Variants in DNMT3A observed in about 807,000 individuals in gnomAD.
DNMT3A encodes the protein DNA methyltransferase 3 alpha, also known as DNA (cytosine-5)-methyltransferase 3A.
A neutral mutation model predicts 117.6 loss-of-function variants in DNMT3A; 267 were observed. The ratio of observed to expected loss-of-function variants is 2.27; its 90% CI spans 2.05 to 2.51. The LOEUF is 2.51. Among genes scored for constraint, DNMT3A ranks in the 30% most tolerant of loss-of-function variants. DNMT3A has a pLI of 0.00. For synonymous variants in DNMT3A, 432 were observed against 474.8 expected, an observed-to-expected ratio of 0.91 and a Z score of 1.17; for missense variants, 1,029 against 1,260.2, an observed-to-expected ratio of 0.82 and a Z score of 2.78.
chr2:25,270,596 CT>C (rs2030788937), intron 6 of DNMT3A, among the ~76,000 whole-genome samples: 1 of 151,160 alleles, frequency 6.6e-6, no homozygotes, highest in Non-Finnish European at 1.5e-5. Flanking sequence ...GGGGAGGTGC[CT>C]TTTTTGGGAG....
intron 4 of DNMT3A, among the ~76,000 whole-genome samples, chr2:25,276,326 A>C (rs1014873440): frequency 2.0e-5 from 3 of 152,074 alleles, no homozygotes; most frequent in Non-Finnish European, 2.9e-5. Flanking sequence ...TTTCCCACTG[A>C]ATCAAGGTAG....
At chr2:25,275,112 G>A (rs1302195763) in intron 5 of DNMT3A, 25 bp from the exon 6 acceptor site, 9 of 1,546,636 alleles carry the variant, frequency 5.8e-6, no homozygotes, top group Middle Eastern at 1.7e-4. Context: ...CAGACATTAG[G>A]GCATTAGGGT....
chr2:25,284,384 C>T (rs369966698), intron 3 of DNMT3A, among the ~76,000 whole-genome samples: 27 of 152,100 alleles, frequency 1.8e-4, no homozygotes, highest in Middle Eastern at 3.4e-3. Context: ...TGGTGGCTTA[C>T]GCCTATAATC....
At position 25,293,287 on chromosome 2, in the gene DNMT3A, G is replaced by A. The variant is rs2032896254; in HGVS notation, c.177+6852C>T. Among the ~76,000 whole-genome samples, 1 of 151,920 alleles carries A rather than the reference G, an allele frequency of 6.6e-6. No individual in the cohort carries two copies. The highest frequency in any genetic ancestry group is 2.1e-4 in the South Asian group (1 of 4,814). On this transcript the variant is annotated intron_variant, in intron 3 of 22. Coordinates refer to ENST00000321117, the MANE Select transcript of DNMT3A (RefSeq NM_022552.5). The surrounding 1 kb of genome is among the most constrained non-coding windows in gnomAD (Gnocchi z 4.7). ...GCCCTGGGACTTTGCTGGCGCCCCT[G>A]CCCCCTCCCCTCTCCCAGCATGTGC...
rs557576108 is a variant in DNMT3A at position 25,306,111 on chromosome 2, C to T, written c.73-5868G>A. The stretch of plus-strand genomic sequence containing the variant: ...AATTGGCTTCTGCAAGAGGCAGAGC[C>T]CTGTCCTGGGTTGCCTGAGCACCAG... On this transcript the variant is annotated intron_variant, in intron 2 of 22. Coordinates refer to ENST00000321117, the MANE Select transcript of DNMT3A (RefSeq NM_022552.5). The surrounding 1 kb of genome is among the most constrained non-coding windows in gnomAD (Gnocchi z 4.1). Among the ~76,000 whole-genome samples, 53 of 152,310 alleles carry T rather than the reference C, an allele frequency of 3.5e-4. No homozygotes were observed. The highest frequency in any genetic ancestry group is 1.3e-3 in the African/African-American group (52 of 41,570).
Position 25,293,602 on chromosome 2 carries a change from C to T in DNMT3A, c.177+6537G>A, listed in dbSNP as rs2032915244. 6.6e-6 allele frequency among the ~76,000 whole-genome samples: 1 copy of T among 152,036 alleles called. No individual in the cohort carries two copies. Among genetic ancestry groups the T allele is most frequent in the Non-Finnish European group, 1.5e-5 (1 of 68,016 alleles). On this transcript the variant is annotated intron_variant, in intron 3 of 22. Transcript: ENST00000321117. The surrounding 1 kb of genome is among the most constrained non-coding windows in gnomAD (Gnocchi z 4.7). Reference sequence around the variant, plus strand: ...CTCCCGGGGTCAAGAGATCCTCCTGCCTTAGCCTCCCAAGTAGCTGCGACC... The same window carrying T: ...CTCCCGGGGTCAAGAGATCCTCCTGTCTTAGCCTCCCAAGTAGCTGCGACC...
In DNMT3A at chr2:25,293,808, G is replaced by A. The variant is rs1243872252; in HGVS notation, c.177+6331C>T. ...GTGCCTCAGCCTCCTGGGCAGCTGG[G>A]ACCACAGGTATGTGCCACCACATTC... On this transcript the variant is annotated intron_variant, in intron 3 of 22. Coordinates refer to ENST00000321117, the MANE Select transcript of DNMT3A (RefSeq NM_022552.5). The surrounding 1 kb of genome is among the most constrained non-coding windows in gnomAD (Gnocchi z 4.7). 2.6e-5 allele frequency among the ~76,000 whole-genome samples: 4 copies of A among 152,208 alleles called. No individual in the cohort carries two copies. The highest frequency in any genetic ancestry group is 4.8e-5 in the African/African-American group (2 of 41,456).
At chr2:25,333,665 A>G (rs549303594) in intron 1 of DNMT3A, among the ~76,000 whole-genome samples, 1 of 152,196 alleles carries the variant, frequency 6.6e-6, no homozygotes. Context: ...AGGGCCTTAC[A>G]GAGCAGCAGG....
At chr2:25,245,071 T>C (rs1674579337) in intron 13 of DNMT3A, among the ~76,000 whole-genome samples, 182 bp downstream of exon 13, 1 of 152,100 alleles carries the variant, frequency 6.6e-6, no homozygotes, top group Admixed American at 6.5e-5. Context: ...TGAGAGCAAG[T>C]CAAAAGCTTG....
chr2:25,267,105 T>G (rs758826580), intron 6 of DNMT3A, among the ~76,000 whole-genome samples: 1 of 152,166 alleles, frequency 6.6e-6, no homozygotes, highest in South Asian at 2.1e-4. Flanking sequence ...ACAGACTTAT[T>G]GGAAGTCAAA....
intron 2 of DNMT3A, among the ~76,000 whole-genome samples, chr2:25,309,261 G>A (rs2033952648): frequency 6.6e-6 from 1 of 152,186 alleles, no homozygotes; most frequent in African/African-American, 2.4e-5. Context: ...AGGTACCTAT[G>A]TCTGAAGAAA....
intron 6 of DNMT3A, among the ~76,000 whole-genome samples, chr2:25,274,038 C>T (rs949676056): frequency 2.0e-5 from 3 of 152,160 alleles, no homozygotes; most frequent in Non-Finnish European, 4.4e-5. Context: ...CAAATCCCAC[C>T]TCTGTCGCCC....
At position 25,244,190 on chromosome 2, in the gene DNMT3A, G is replaced by A. The variant is rs1396358001; in HGVS notation, c.1816C>T (p.Gln606Ter). 9 of 1,613,788 alleles carry A rather than the reference G, an allele frequency of 5.6e-6. No individual in the cohort carries two copies. Among genetic ancestry groups the A allele is most frequent in the South Asian group, 1.1e-5 (1 of 91,086 alleles). ...TCGTGGTTATTAGCGAAGAACATCT[G>A]GAGCCGGGAGGGCCAGTCCTCTCGC... ...RRREDWPSRL[Q>*]MFFANNHDQE... The change falls in exon 15 of 23, where the codon CAG (glutamine) becomes TAG (stop). Residue 606 changes from glutamine to a stop codon, truncating the protein, a stop_gained. Coordinates refer to ENST00000321117, the MANE Select transcript of DNMT3A (RefSeq NM_022552.5). LOFTEE classifies it high-confidence loss of function.
intron 1 of DNMT3A, chr2:25,328,656 C>T (rs778709428): frequency 1.9e-6 from 1 of 522,590 alleles, no homozygotes; most frequent in Non-Finnish European, 3.9e-6. Flanking sequence ...TGTGTGAAGT[C>T]ACTCCCAGGC....
chr2:25,265,842 T>C (rs1369586128), intron 6 of DNMT3A, among the ~76,000 whole-genome samples: 1 of 151,326 alleles, frequency 6.6e-6, no homozygotes, highest in Non-Finnish European at 1.5e-5. Context: ...AGACATTAAA[T>C]GCAGATAATA....
At chr2:25,266,254 C>T (rs977636261) in intron 6 of DNMT3A, among the ~76,000 whole-genome samples, 1 of 152,246 alleles carries the variant, frequency 6.6e-6, no homozygotes, top group African/African-American at 2.4e-5. Flanking sequence ...CTACTCCAAA[C>T]ATCATCATCT....
intron 19 of DNMT3A, chr2:25,239,606 G>A (rs1031648624): frequency 4.0e-6 from 2 of 499,732 alleles, no homozygotes; most frequent in Non-Finnish European, 8.3e-6. Flanking sequence ...GCACAGTGCT[G>A]CTCTAGACTA....
At position 25,281,859 on chromosome 2, in the gene DNMT3A, C is replaced by T. The variant is rs2031904812; in HGVS notation, c.448+582G>A. ...ACACAGAATACAATCACCCAGCCCTCTCCCCACGCCACTGTCACAACCAAA... is the reference window on the plus strand; with the variant it reads ...ACACAGAATACAATCACCCAGCCCTTTCCCCACGCCACTGTCACAACCAAA... On this transcript the variant is annotated intron_variant, in intron 4 of 22. Transcript: ENST00000321117. This position sits in a 1 kb window ranked among gnomAD's most constrained non-coding sequence, Gnocchi z 4.8. 3.7e-6 allele frequency: 4 copies of T among 1,069,344 alleles called. No individual in the cohort carries two copies. Among genetic ancestry groups the T allele is most frequent in the Non-Finnish European group, 4.5e-6 (4 of 881,812 alleles). 66.2% of individuals were successfully genotyped at this position (1,069,344 alleles called of 1,614,324 possible).
Position 25,294,287 on chromosome 2 carries a change from G to C in DNMT3A, c.177+5852C>G, listed in dbSNP as rs369457165. Among the ~76,000 whole-genome samples the C allele has an allele frequency of 1.3e-4, 20 of 152,302 alleles. 2 individuals carry two copies. The highest frequency in any genetic ancestry group is 4.8e-4 in the African/African-American group (20 of 41,570). On this transcript the variant is annotated intron_variant, in intron 3 of 22. Coordinates refer to ENST00000321117, the MANE Select transcript of DNMT3A (RefSeq NM_022552.5). The surrounding 1 kb of genome is among the most constrained non-coding windows in gnomAD (Gnocchi z 4.7). ...ATGCAGCACTCCAGTAGCGGGCGTTGATTTCACCGCTCAGGTCGGGGAGTG... is the reference window on the plus strand; with the variant it reads ...ATGCAGCACTCCAGTAGCGGGCGTTCATTTCACCGCTCAGGTCGGGGAGTG...
Sources: gnomAD v4.1 joint callset for allele counts (sites outside exome capture counted in the v4.1 genomes callset) on GRCh38, gnomAD v4.1.1 for gene constraint, Gnocchi (gnomAD v3.1) non-coding constraint, MANE v1.5 for transcripts, NCBI Gene and HGNC (gene_info 2026-07-23, HGNC 2026-07-21) for gene names.